The following MPHOSPH9 variants were observed in gnomAD, a reference collection of about 807,000 sequenced individuals.
MPHOSPH9 encodes the protein M-phase phosphoprotein 9.
Under a neutral mutation model 145.5 loss-of-function variants are expected in MPHOSPH9, and 88 were observed. The observed-to-expected ratio is 0.60, with a 90% CI of 0.51 to 0.72. MPHOSPH9 has a LOEUF of 0.72. MPHOSPH9 is among the 30% of genes least tolerant of loss of function. The pLI, the probability that MPHOSPH9 is intolerant of heterozygous loss-of-function variation, is 0.00. For missense variants in MPHOSPH9, 1,238 were observed against 1,386.6 expected (o/e 0.89, Z 1.70); for synonymous variants, 435 against 486.2 (o/e 0.89, Z 1.39).
chr12:123,240,261 C>T (rs1350273184), intron 1 of MPHOSPH9, among the ~76,000 whole-genome samples: 1 of 150,284 alleles, frequency 6.7e-6, no homozygotes, highest in Non-Finnish European at 1.5e-5. Context: ...GTAATCCCAG[C>T]TACTTGGGAT....
chr12:123,161,072 C>G, intron 22 of MPHOSPH9, 64 bp downstream of exon 22: 1 of 1,563,968 alleles, frequency 6.4e-7, no homozygotes, highest in Non-Finnish European at 8.7e-7. Context: ...CAATAATTCC[C>G]TTCTCCTTAG....
chr12:123,221,440 A>T lies in MPHOSPH9; in HGVS notation c.804T>A (p.Pro268=). The T allele has an allele frequency of 6.2e-7, 1 of 1,612,206 alleles. No individual in the cohort carries two copies. The highest frequency in any genetic ancestry group is 8.5e-7 in the Non-Finnish European group (1 of 1,179,366). Residue 268 remains proline (P), a synonymous_variant, in exon 5 of 24, where the codon CCT becomes CCA. Coordinates refer to ENST00000606320, the MANE Select transcript of MPHOSPH9 (RefSeq NM_022782.4). ...VSLKEDVSIS[P]GEFEHNFLGE... is the part of the protein sequence containing the mutation. ...CAAGAAAATTATGTTCAAATTCACC[A>T]GGAGAAATGGATACATCTTCCTTTA...
At chr12:123,212,397 G>C (rs1010672211) in intron 7 of MPHOSPH9, among the ~76,000 whole-genome samples, 2 of 152,018 alleles carry the variant, frequency 1.3e-5, no homozygotes, top group African/African-American at 2.4e-5. Flanking sequence ...TCAAAGAAAC[G>C]GACAGAGCAC....
chr12:123,194,263 T>C, intron 13 of MPHOSPH9, 123 bp downstream of exon 13: 2 of 679,834 alleles, frequency 2.9e-6, no homozygotes, highest in East Asian at 3.0e-5. Flanking sequence ...AGTGAGACTC[T>C]GTCTCAAAAT....
chr12:123,230,227 G>T, intron 2 of MPHOSPH9, 34 bp downstream of exon 2: 2 of 1,146,440 alleles, frequency 1.7e-6, no homozygotes, highest in South Asian at 1.4e-5. Context: ...AGGTTATTCT[G>T]ATTTGGTACA....
At chr12:123,176,323 T>C (rs892104525) in intron 16 of MPHOSPH9, among the ~76,000 whole-genome samples, 6 of 152,162 alleles carry the variant, frequency 3.9e-5, no homozygotes, top group Admixed American at 2.0e-4. Flanking sequence ...TCCATTAACA[T>C]AGGAATAAAA....
chr12:123,217,803 G>T (rs2138551074), intron 6 of MPHOSPH9, among the ~76,000 whole-genome samples: 1 of 152,146 alleles, frequency 6.6e-6, no homozygotes, highest in Non-Finnish European at 1.5e-5. Context: ...CTGCACTTTG[G>T]GAGGCCAAGG....
At chr12:123,168,410 C>T (rs914478527) in intron 16 of MPHOSPH9, among the ~76,000 whole-genome samples, 1 of 149,574 alleles carries the variant, frequency 6.7e-6, no homozygotes, top group Admixed American at 6.7e-5. Context: ...GGCGTGATCT[C>T]GGCTCACTGC....
chr12:123,187,228 C>A (rs1012041334), intron 13 of MPHOSPH9, among the ~76,000 whole-genome samples: 1 of 152,018 alleles, frequency 6.6e-6, no homozygotes, highest in African/African-American at 2.4e-5. Context: ...CCATTGCACT[C>A]CAGCTTGGGC....
At chr12:123,188,113 C>G (rs2045529013) in intron 13 of MPHOSPH9, among the ~76,000 whole-genome samples, 1 of 152,066 alleles carries the variant, frequency 6.6e-6, no homozygotes, top group African/African-American at 2.4e-5. Context: ...ACAACAAGAG[C>G]AAGACTCCAT....
chr12:123,205,950 C>G (rs770030230), intron 8 of MPHOSPH9, among the ~76,000 whole-genome samples: 1 of 152,080 alleles, frequency 6.6e-6, no homozygotes, highest in East Asian at 1.9e-4. Flanking sequence ...TCCTGAGGAC[C>G]AATATTTAAG....
At chr12:123,218,256 G>C in intron 6 of MPHOSPH9, 120 bp downstream of exon 6, 5 of 1,391,844 alleles carry the variant, frequency 3.6e-6, no homozygotes, top group Non-Finnish European at 4.9e-6. Context: ...CAAAAAAAAT[G>C]TATAAATGAA....
intron 7 of MPHOSPH9, among the ~76,000 whole-genome samples, chr12:123,212,711 CAAA>C (rs542748087): frequency 1.2e-3 from 58 of 46,486 alleles, no homozygotes; most frequent in African/African-American, 5.0e-3. Flanking sequence ...AACTCTGTCT[CAAA>C]AAAAAAAAAA....
Position 123,156,685 on chromosome 12 carries a change from A to G in MPHOSPH9, c.*122T>C. 1 of 582,176 alleles carries G rather than the reference A, an allele frequency of 1.7e-6. No individual in the cohort carries two copies. The highest frequency in any genetic ancestry group is 2.9e-5 in the East Asian group (1 of 34,784). The allele number at this position is 582,176 out of a possible 1,614,324, so 36.1% of individuals were successfully genotyped here. A position where few individuals can be genotyped will look rare whatever the true frequency, so the allele number is the denominator to read the frequency against. The stretch of plus-strand genomic sequence containing the variant: ...AGTATAAAATAGCAAGTGTAAGAAT[A>G]GCATGATTGTAAAACTACTGTTTGA... On this transcript the variant is annotated 3_prime_UTR_variant, in exon 24 of 24. Coordinates refer to ENST00000606320, the MANE Select transcript of MPHOSPH9 (RefSeq NM_022782.4).
chr12:123,219,942 G>A (rs901212501), intron 5 of MPHOSPH9, among the ~76,000 whole-genome samples: 1 of 152,148 alleles, frequency 6.6e-6, no homozygotes, highest in African/African-American at 2.4e-5. Flanking sequence ...CAGCACTTCG[G>A]GAGGCCAAGG....
At chr12:123,210,862 G>A (rs1204178523) in intron 7 of MPHOSPH9, among the ~76,000 whole-genome samples, 6 of 151,622 alleles carry the variant, frequency 4.0e-5, no homozygotes, top group Admixed American at 1.3e-4. Context: ...GAGTGATCTC[G>A]GCTCATTGCA....
At chr12:123,161,440 A>T in intron 21 of MPHOSPH9, 57 bp from the exon 22 acceptor site, 2 of 1,576,862 alleles carry the variant, frequency 1.3e-6, no homozygotes, top group Non-Finnish European at 1.7e-6. Flanking sequence ...TGTAGGTTGC[A>T]TATATATTAA....
chr12:123,165,015 C>CAAAAAAAA (rs35219995), intron 18 of MPHOSPH9, among the ~76,000 whole-genome samples: 2 of 83,248 alleles, frequency 2.4e-5, no homozygotes, highest in Non-Finnish European at 2.2e-5. Context: ...CTCACTGTCT[C>CAAAAAAAA]AAAAAAAAAA....
intron 13 of MPHOSPH9, among the ~76,000 whole-genome samples, chr12:123,192,944 C>T (rs554456342): frequency 2.8e-4 from 42 of 151,032 alleles, no homozygotes; most frequent in Admixed American, 8.6e-4. Context: ...TGGTGGCACG[C>T]GCCTGTACTC....
Sources: allele counts gnomAD v4.1 joint callset (sites outside exome capture counted in the v4.1 genomes callset), GRCh38; gene constraint gnomAD v4.1.1; transcripts MANE v1.5; gene names NCBI Gene and HGNC (gene_info 2026-07-23, HGNC 2026-07-21).